SLC35F3: variants seen among roughly 807,000 people sequenced by gnomAD.
SLC35F3 encodes the protein solute carrier family 35 member F3.
In SLC35F3, 25 loss-of-function variants were observed where a neutral mutation model predicts 49.9. That is an observed-to-expected ratio of 0.50 (90% CI 0.37 to 0.70). SLC35F3 has a LOEUF of 0.70. SLC35F3 is among the 30% of genes least tolerant of loss of function. The pLI is 0.00. For synonymous variants in SLC35F3, 275 were observed against 265.4 expected (o/e 1.04, Z -0.35); for missense variants, 525 against 639.8 (o/e 0.82, Z 1.94).
intron 2 of SLC35F3, among the ~76,000 whole-genome samples, chr1:234,195,054 G>C (rs949486377): frequency 6.6e-6 from 1 of 152,174 alleles, no homozygotes; most frequent in Non-Finnish European, 1.5e-5. Flanking sequence ...CATAGCTGTG[G>C]CTCATCAAGA....
At chr1:234,243,378 A>G (rs1208285546) in intron 3 of SLC35F3, among the ~76,000 whole-genome samples, 2 of 152,162 alleles carry the variant, frequency 1.3e-5, no homozygotes, top group Admixed American at 6.5e-5. Flanking sequence ...TACTGGGGGT[A>G]TGCTCACCTG....
Position 233,957,379 on chromosome 1 carries a change from T to G in SLC35F3, c.283+51621T>G, listed in dbSNP as rs1022413649. Among the ~76,000 whole-genome samples, 1 of 152,186 alleles carries G rather than the reference T, an allele frequency of 6.6e-6. No homozygotes were observed. The highest frequency in any genetic ancestry group is 1.5e-5 in the Non-Finnish European group (1 of 68,014). ...TGATGCGCTACTCAGTTCATCAGGG[T>G]GTGGGCTCTGTCACCTTTGTAGCCT... On this transcript the variant is annotated intron_variant, in intron 2 of 7. Transcript: ENST00000366618. This position sits in a 1 kb window ranked among gnomAD's most constrained non-coding sequence, Gnocchi z 4.0.
chr1:234,236,963 A>ATATATATATATATATG, intron 3 of SLC35F3, among the ~76,000 whole-genome samples: 1 of 127,344 alleles, frequency 7.9e-6, no homozygotes, highest in Non-Finnish European at 1.6e-5. Context: ...ATATATATAT[A>ATATATATATATATATG]TGGAGGAAAT....
In SLC35F3 at chr1:234,090,488, C is replaced by T. The variant is rs114445034; in HGVS notation, c.284-140929C>T. 1.2e-3 allele frequency among the ~76,000 whole-genome samples: 190 copies of T among 152,296 alleles called. 1 individual carries two copies. Among genetic ancestry groups the T allele is most frequent in the African/African-American group, 4.2e-3 (174 of 41,560 alleles). On this transcript the variant is annotated intron_variant, in intron 2 of 7. Coordinates refer to ENST00000366618, the MANE Select transcript of SLC35F3 (RefSeq NM_173508.4). ...ACAGGAGAATAAATCTCAAATCCAC[C>T]TCTCCAGAAATAAGGCTCGGGGGTA...
intron 2 of SLC35F3, among the ~76,000 whole-genome samples, chr1:234,211,567 A>C (rs1403042628): frequency 6.6e-6 from 1 of 152,238 alleles, no homozygotes; most frequent in African/African-American, 2.4e-5. Flanking sequence ...TCAAAGCTTT[A>C]AGATTCAACT....
chr1:233,906,312 T>TA (rs1357895994), intron 2 of SLC35F3, among the ~76,000 whole-genome samples: 1 of 152,180 alleles, frequency 6.6e-6, no homozygotes, highest in Non-Finnish European at 1.5e-5. Context: ...GGGATCATTC[T>TA]AGATAGTGGT....
At chr1:233,922,345 G>A (rs966650821) in intron 2 of SLC35F3, among the ~76,000 whole-genome samples, 5 of 152,138 alleles carry the variant, frequency 3.3e-5, no homozygotes, top group African/African-American at 1.2e-4. Flanking sequence ...TAACTGGTGT[G>A]AGATGGTATC....
At chr1:233,976,720 C>A (rs1237726154) in intron 2 of SLC35F3, among the ~76,000 whole-genome samples, 1 of 152,148 alleles carries the variant, frequency 6.6e-6, no homozygotes, top group Non-Finnish European at 1.5e-5. Flanking sequence ...AAGCAATTCT[C>A]CTGCCTCAGC....
At chr1:234,086,888 G>A (rs1204635363) in intron 2 of SLC35F3, among the ~76,000 whole-genome samples, 5 of 152,154 alleles carry the variant, frequency 3.3e-5, no homozygotes, top group African/African-American at 1.2e-4. Context: ...CTGACTTATC[G>A]TCCCTGCCTT....
At position 234,263,706 on chromosome 1, in the gene SLC35F3, A is replaced by T. The variant is rs184847106; in HGVS notation, c.608+31965A>T. ...TGGGGCAGGGTGACATCCTAGAAGC[A>T]GCACTTAGAGACAGCCAACACTTGA... On this transcript the variant is annotated intron_variant, in intron 3 of 7. Transcript: ENST00000366618. 6.6e-5 allele frequency among the ~76,000 whole-genome samples: 10 copies of T among 152,346 alleles called. No individual in the cohort carries two copies. The East Asian group carries it at 1.9e-3, about 29-fold the overall frequency.
At chr1:234,054,663 T>G (rs1664428556) in intron 2 of SLC35F3, among the ~76,000 whole-genome samples, 1 of 152,242 alleles carries the variant, frequency 6.6e-6, no homozygotes, top group African/African-American at 2.4e-5. Context: ...TCATTCTCTG[T>G]CCGGCTTTGT....
Position 234,304,387 on chromosome 1 carries a change from T to C in SLC35F3, c.609-4714T>C, listed in dbSNP as rs530452730. Among the ~76,000 whole-genome samples, 11 of 152,296 alleles carry C rather than the reference T, an allele frequency of 7.2e-5. No individual in the cohort carries two copies. In the South Asian group the frequency reaches 2.3e-3, roughly 32 times the overall value. On this transcript the variant is annotated intron_variant, in intron 3 of 7. Transcript: ENST00000366618. ...CATATTGGCCAGGCTGGTCTTGAAC[T>C]CCTGACCTCAAGTGATCTGCCCGCC...
intron 2 of SLC35F3, among the ~76,000 whole-genome samples, chr1:234,114,043 A>C (rs1665447018): frequency 6.6e-6 from 1 of 152,212 alleles, no homozygotes; most frequent in African/African-American, 2.4e-5. Context: ...AGCATTTGCC[A>C]GTTCCGCAGG....
intron 2 of SLC35F3, among the ~76,000 whole-genome samples, chr1:234,103,689 A>G (rs1665244526): frequency 6.6e-6 from 1 of 152,146 alleles, no homozygotes; most frequent in South Asian, 2.1e-4. Flanking sequence ...TGCCCTACAC[A>G]ATAGCTGTAT....
intron 2 of SLC35F3, among the ~76,000 whole-genome samples, chr1:234,125,835 C>T (rs995500453): frequency 6.6e-6 from 1 of 152,222 alleles, no homozygotes; most frequent in African/African-American, 2.4e-5. Context: ...CCATTTTCAT[C>T]TTGCACCACA....
chr1:234,047,241 A>G (rs1470306615), intron 2 of SLC35F3, among the ~76,000 whole-genome samples: 2 of 152,110 alleles, frequency 1.3e-5, no homozygotes, highest in African/African-American at 2.4e-5. Context: ...CAATTATATG[A>G]GTCAACCTGA....
intron 2 of SLC35F3, among the ~76,000 whole-genome samples, chr1:234,036,319 G>A (rs546742029): frequency 6.6e-6 from 1 of 152,286 alleles, no homozygotes; most frequent in East Asian, 1.9e-4. Flanking sequence ...TCCCAGCTTA[G>A]CGTCCCAAGT....
chr1:234,037,339 C>T (rs963376100), intron 2 of SLC35F3, among the ~76,000 whole-genome samples: 31 of 152,200 alleles, frequency 2.0e-4, no homozygotes, highest in African/African-American at 7.2e-4. Context: ...AAACTACTCA[C>T]TCACTGTCCC....
Position 234,230,366 on chromosome 1 carries a change from C to T in SLC35F3, c.284-1051C>T, listed in dbSNP as rs191576718. On this transcript the variant is annotated intron_variant, in intron 2 of 7. Coordinates refer to ENST00000366618, the MANE Select transcript of SLC35F3 (RefSeq NM_173508.4). ...AAGTTTAAGCAATGTAGAGAAAGCACGTTTGACCCCAATATATTCAGGACT... is the reference window on the plus strand; with the variant it reads ...AAGTTTAAGCAATGTAGAGAAAGCATGTTTGACCCCAATATATTCAGGACT... Among the ~76,000 whole-genome samples the T allele has an allele frequency of 6.6e-5, 10 of 152,202 alleles. No homozygotes were observed. The East Asian group carries it at 1.5e-3, about 23-fold the overall frequency.
Sources: allele counts gnomAD v4.1 joint callset (sites outside exome capture counted in the v4.1 genomes callset), GRCh38; gene constraint gnomAD v4.1.1; non-coding constraint Gnocchi (gnomAD v3.1); transcripts MANE v1.5; gene names NCBI Gene and HGNC (gene_info 2026-07-23, HGNC 2026-07-21).